OXCT1: variants seen among roughly 807,000 people sequenced by gnomAD.
The protein encoded by OXCT1 is succinyl-CoA:3-ketoacid coenzyme A transferase 1, mitochondrial.
OXCT1 carries 27 observed loss-of-function variants against 69.6 expected under a neutral mutation model. That is an observed-to-expected ratio of 0.39 (90% confidence interval 0.29 to 0.54). The LOEUF (loss-of-function observed/expected upper bound fraction) is 0.54. Ranked by LOEUF, OXCT1 falls within the 20% of genes least tolerant of loss-of-function variation. The pLI, the probability that OXCT1 is intolerant of heterozygous loss-of-function variation, is 0.72. For synonymous variants in OXCT1, 202 were observed against 217.8 expected (o/e 0.93, Z 0.64); for missense variants, 437 against 650.2 (o/e 0.67, Z 3.57).
chr5:41,850,309 C>A, intron 4 of OXCT1, 130 bp from the exon 5 acceptor site: 1 of 967,072 alleles, frequency 1.0e-6, no homozygotes, highest in Non-Finnish European at 1.6e-6. Flanking sequence ...TGTACATTAG[C>A]ATACTTCACT....
At chr5:41,868,669 GC>G (rs1348919082) in intron 1 of OXCT1, among the ~76,000 whole-genome samples, 1 of 151,136 alleles carries the variant, frequency 6.6e-6, no homozygotes, top group African/African-American at 2.4e-5. Flanking sequence ...CTTGCAGTGA[GC>G]CGAGATCCCG....
chr5:41,792,638 A>AT (rs925957595), intron 13 of OXCT1, among the ~76,000 whole-genome samples: 137 of 152,286 alleles, frequency 9.0e-4, no homozygotes, highest in African/African-American at 3.2e-3. Context: ...ACCCTCCCTG[A>AT]TTTTTTTGAA....
intron 15 of OXCT1, among the ~76,000 whole-genome samples, chr5:41,747,003 C>T (rs551157510): frequency 1.1e-3 from 169 of 152,208 alleles, no homozygotes; most frequent in African/African-American, 3.7e-3. Context: ...TCTATGAATC[C>T]TCTTAACTGG....
chr5:41,817,618 G>A (rs1747314621), intron 7 of OXCT1, among the ~76,000 whole-genome samples: 1 of 152,158 alleles, frequency 6.6e-6, no homozygotes, highest in African/African-American at 2.4e-5. Flanking sequence ...CTGTACTTGT[G>A]TACTTGCTAT....
At chr5:41,835,336 A>G (rs1382576796) in intron 7 of OXCT1, among the ~76,000 whole-genome samples, 1 of 152,250 alleles carries the variant, frequency 6.6e-6, no homozygotes, top group Admixed American at 6.5e-5. Flanking sequence ...ATGTATCCAC[A>G]AAAATTTAAA....
chr5:41,810,587 ATGT>A (rs1165468609), intron 7 of OXCT1, among the ~76,000 whole-genome samples: 6 of 152,154 alleles, frequency 3.9e-5, no homozygotes, highest in Admixed American at 1.3e-4. Flanking sequence ...ACACTAGGAA[ATGT>A]TGTTATTGAT....
chr5:41,807,478 T>G (rs1183423416), intron 7 of OXCT1, 40 bp from the exon 8 acceptor site: 1 of 1,143,458 alleles, frequency 8.7e-7, no homozygotes, highest in Admixed American at 1.7e-5. Context: ...AGTGAAAGCT[T>G]AAAGTGAACA....
chr5:41,843,274 G>T lies in OXCT1; in HGVS notation c.565-493C>A, dbSNP rs568469705. 1.0e-3 allele frequency among the ~76,000 whole-genome samples: 157 copies of T among 152,164 alleles called. 1 individual carries two copies. Among genetic ancestry groups the T allele is most frequent in the Non-Finnish European group, 1.9e-3 (127 of 68,004 alleles). On this transcript the variant is annotated intron_variant, in intron 5 of 16. Transcript: ENST00000196371. Reference sequence around the variant, plus strand: ...GGGATTCACAGAATCAGTAAATTTGGAGAAAACCAACAAGCCCTATCTTCC... The same window carrying T: ...GGGATTCACAGAATCAGTAAATTTGTAGAAAACCAACAAGCCCTATCTTCC...
At chr5:41,768,104 G>A (rs527417613) in intron 13 of OXCT1, among the ~76,000 whole-genome samples, 2 of 152,210 alleles carry the variant, frequency 1.3e-5, no homozygotes, top group Non-Finnish European at 2.9e-5. Context: ...CTGTCACCCT[G>A]TGGCACATCC....
At chr5:41,830,520 G>A (rs1183009291) in intron 7 of OXCT1, among the ~76,000 whole-genome samples, 1 of 152,160 alleles carries the variant, frequency 6.6e-6, no homozygotes, top group East Asian at 1.9e-4. Context: ...AGCATAGTAA[G>A]TTCACATAGT....
At chr5:41,790,485 C>T (rs1204915203) in intron 13 of OXCT1, among the ~76,000 whole-genome samples, 1 of 152,194 alleles carries the variant, frequency 6.6e-6, no homozygotes, top group Non-Finnish European at 1.5e-5. Flanking sequence ...GAGACCAACA[C>T]TGCATACTAA....
chr5:41,832,140 C>T (rs1302947497), intron 7 of OXCT1, among the ~76,000 whole-genome samples: 2 of 152,206 alleles, frequency 1.3e-5, no homozygotes, highest in Non-Finnish European at 2.9e-5. Flanking sequence ...ACCTGGCTGG[C>T]TTCGCCACCT....
chr5:41,765,457 A>G (rs1025406215), intron 13 of OXCT1, among the ~76,000 whole-genome samples: 4 of 152,164 alleles, frequency 2.6e-5, no homozygotes, highest in Non-Finnish European at 4.4e-5. Context: ...AATGAGTAAA[A>G]AAATAAGTGC....
chr5:41,848,015 G>A (rs1478392606), intron 5 of OXCT1, among the ~76,000 whole-genome samples: 1 of 148,978 alleles, frequency 6.7e-6, no homozygotes, highest in Non-Finnish European at 1.5e-5. Context: ...CGACATGATT[G>A]TATATCTAGA....
intron 7 of OXCT1, among the ~76,000 whole-genome samples, chr5:41,810,736 A>G (rs1301920770): frequency 6.6e-6 from 1 of 152,082 alleles, no homozygotes; most frequent in Non-Finnish European, 1.5e-5. Context: ...CTTGGCAAAC[A>G]TTATATCTCA....
intron 10 of OXCT1, among the ~76,000 whole-genome samples, chr5:41,801,519 C>T (rs538471741): frequency 6.6e-6 from 1 of 152,204 alleles, no homozygotes; most frequent in East Asian, 1.9e-4. Context: ...AGTGACACCC[C>T]ATTCTCTTAA....
intron 6 of OXCT1, among the ~76,000 whole-genome samples, chr5:41,842,386 T>G (rs1748668702): frequency 6.6e-6 from 1 of 152,170 alleles, no homozygotes; most frequent in Admixed American, 6.6e-5. Flanking sequence ...ATGTAACTGG[T>G]CTTGGCAACT....
rs1025103426 is a variant in OXCT1 at position 41,805,551 on chromosome 5, G to A, written c.955+16C>T. 4 of 1,560,832 alleles carry A rather than the reference G, an allele frequency of 2.6e-6. No homozygotes were observed. The African/African-American group carries it at 5.4e-5, about 21-fold the overall frequency. ...AAGGCTATGTCTTTGCCCGGGCTCA[G>A]AAGGATAAAGGATACCATACATGCC... On this transcript the variant is annotated intron_variant, in intron 9 of 16. Coordinates refer to ENST00000196371, the MANE Select transcript of OXCT1 (RefSeq NM_000436.4).
Position 41,762,323 on chromosome 5 carries a change from G to T in OXCT1, c.1249-123C>A. 1 of 808,826 alleles carries T rather than the reference G, an allele frequency of 1.2e-6. No individual in the cohort carries two copies. The highest frequency in any genetic ancestry group is 2.2e-6 in the Non-Finnish European group (1 of 453,636). 50.1% of individuals were successfully genotyped at this position (808,826 alleles called of 1,614,324 possible). ...AACTCATTGTCCTTCATTGCTTAGT[G>T]CTTGAAGTTCTATAACCTAATATTC... On this transcript the variant is annotated intron_variant, in intron 13 of 16. Transcript: ENST00000196371. This position sits in a 1 kb window ranked among gnomAD's most constrained non-coding sequence, Gnocchi z 4.0.
Sources: allele counts gnomAD v4.1 joint callset (sites outside exome capture counted in the v4.1 genomes callset), GRCh38; gene constraint gnomAD v4.1.1; non-coding constraint Gnocchi (gnomAD v3.1); transcripts MANE v1.5; gene names NCBI Gene and HGNC (gene_info 2026-07-23, HGNC 2026-07-21).